Variants in DGKB observed in about 807,000 individuals in gnomAD.
DGKB encodes diacylglycerol kinase beta, also known as 90 kDa diacylglycerol kinase.
DGKB carries 67 observed loss-of-function variants against 114.3 expected under a neutral mutation model. The ratio of observed to expected loss-of-function variants is 0.59; its 90% CI spans 0.48 to 0.72. The LOEUF (loss-of-function observed/expected upper bound fraction) is 0.72, where lower values mean the gene tolerates loss of function less well. DGKB is among the 30% of genes least tolerant of loss of function. The probability of loss-of-function intolerance (pLI) is 0.00; values close to 1 mark genes in which losing one functional copy is unlikely to be tolerated. For synonymous variants in DGKB, 398 were observed against 323.1 expected (o/e 1.23, Z -2.49); for missense variants, 907 against 975.2 (o/e 0.93, Z 0.93).
chr7:14,348,094 G>A (rs2128599229), intron 21 of DGKB, among the ~76,000 whole-genome samples: 1 of 151,988 alleles, frequency 6.6e-6, no homozygotes, highest in East Asian at 1.9e-4. Context: ...CAGTTAAGAT[G>A]CAGAACAGTC....
chr7:14,671,407 T>C (rs1342843164), intron 13 of DGKB, among the ~76,000 whole-genome samples: 1 of 152,142 alleles, frequency 6.6e-6, no homozygotes, highest in East Asian at 1.9e-4. Context: ...TGCTGAGATA[T>C]AAATTATTAA....
chr7:14,209,959 G>A (rs984308306), intron 23 of DGKB, among the ~76,000 whole-genome samples: 1 of 151,674 alleles, frequency 6.6e-6, no homozygotes, highest in Non-Finnish European at 1.5e-5. Flanking sequence ...GAATATGCAG[G>A]TGCACTAATA....
intron 1 of DGKB, among the ~76,000 whole-genome samples, chr7:14,944,018 T>A (rs1785720079): frequency 1.3e-5 from 2 of 151,862 alleles, no homozygotes; most frequent in East Asian, 3.9e-4. Flanking sequence ...ACAGCGGAGT[T>A]TTCTGCAAGC....
At chr7:14,160,800 C>T (rs974872491) in intron 25 of DGKB, among the ~76,000 whole-genome samples, 9 of 151,996 alleles carry the variant, frequency 5.9e-5, no homozygotes, top group Non-Finnish European at 1.0e-4. Flanking sequence ...AAAAAGAGCC[C>T]GTATAGCCAA....
At chr7:14,234,992 C>A (rs1178410263) in intron 23 of DGKB, among the ~76,000 whole-genome samples, 1 of 152,052 alleles carries the variant, frequency 6.6e-6, no homozygotes, top group Non-Finnish European at 1.5e-5. Context: ...CATAAAAATT[C>A]TTTTGGTCAA....
chr7:14,879,907 A>G (rs1011350138), intron 1 of DGKB, among the ~76,000 whole-genome samples: 8 of 152,136 alleles, frequency 5.3e-5, no homozygotes, highest in Non-Finnish European at 1.2e-4. Flanking sequence ...ATTATATATA[A>G]TTTCTAGTTC....
chr7:14,311,503 C>T (rs6942926), intron 23 of DGKB, among the ~76,000 whole-genome samples: 1 of 152,126 alleles, frequency 6.6e-6, no homozygotes, highest in African/African-American at 2.4e-5. Flanking sequence ...CCCACTGCAG[C>T]CTCCACCTCC....
intron 21 of DGKB, among the ~76,000 whole-genome samples, chr7:14,387,386 C>T (rs1583571711): frequency 7.3e-6 from 1 of 136,880 alleles, no homozygotes; most frequent in Non-Finnish European, 1.5e-5. Flanking sequence ...GCACTCCAGC[C>T]TTGTGACAGA....
At chr7:14,679,905 G>A (rs1820537057) in intron 12 of DGKB, among the ~76,000 whole-genome samples, 1 of 151,968 alleles carries the variant, frequency 6.6e-6, no homozygotes, top group Non-Finnish European at 1.5e-5. Flanking sequence ...AAGTAAATGT[G>A]TCCCTAAAAT....
intron 20 of DGKB, among the ~76,000 whole-genome samples, chr7:14,498,485 T>C (rs1785628913): frequency 6.6e-6 from 1 of 151,756 alleles, no homozygotes; most frequent in South Asian, 2.1e-4. Flanking sequence ...GAGAATAAAA[T>C]AACCTGTCTA....
intron 23 of DGKB, among the ~76,000 whole-genome samples, chr7:14,293,431 T>C (rs1052707700): frequency 6.6e-6 from 1 of 152,130 alleles, no homozygotes; most frequent in Admixed American, 6.6e-5. Flanking sequence ...CTTTACAAAA[T>C]AGGAACTAAC....
chr7:14,832,194 G>T lies in DGKB; in HGVS notation c.70+9000C>A, dbSNP rs116308591. The stretch of plus-strand genomic sequence containing the variant: ...AAGTTTAGAAAAGGTTACATAAGTT[G>T]CTGACGGCCAAAACTAACAAGTTAA... On this transcript the variant is annotated intron_variant, in intron 2 of 25. Coordinates refer to ENST00000402815, the MANE Select transcript of DGKB (RefSeq NM_001350709.2). 9.4e-3 allele frequency among the ~76,000 whole-genome samples: 1,432 copies of T among 152,088 alleles called. 20 individuals carry two copies. Among genetic ancestry groups the T allele is most frequent in the African/African-American group, 0.033 (1,374 of 41,514 alleles).
chr7:14,604,562 T>C (rs558217286), intron 17 of DGKB, among the ~76,000 whole-genome samples: 1 of 152,192 alleles, frequency 6.6e-6, no homozygotes, highest in Admixed American at 6.5e-5. Flanking sequence ...ATTGTTAGCA[T>C]TGGAAAAGTA....
At chr7:14,369,706 C>T (rs1273372625) in intron 21 of DGKB, among the ~76,000 whole-genome samples, 7 of 152,154 alleles carry the variant, frequency 4.6e-5, no homozygotes, top group Non-Finnish European at 1.0e-4. Flanking sequence ...TTGTTGGCCA[C>T]ATAAATGTCC....
intron 20 of DGKB, among the ~76,000 whole-genome samples, chr7:14,565,905 C>G (rs2128685018): frequency 6.6e-6 from 1 of 152,108 alleles, no homozygotes; most frequent in Non-Finnish European, 1.5e-5. Context: ...AGTGAGCAGC[C>G]AGATTAATAT....
At chr7:14,803,499 T>G (rs1043512128) in intron 2 of DGKB, among the ~76,000 whole-genome samples, 1 of 152,174 alleles carries the variant, frequency 6.6e-6, no homozygotes, top group African/African-American at 2.4e-5. Context: ...CTTTTACCTG[T>G]TTATTTTTAA....
intron 25 of DGKB, among the ~76,000 whole-genome samples, chr7:14,150,189 T>C (rs1050298192): frequency 1.3e-5 from 2 of 152,146 alleles, no homozygotes; most frequent in Non-Finnish European, 2.9e-5. Flanking sequence ...ACATTTTCTT[T>C]AGCGAACTGC....
At chr7:14,833,103 C>A (rs1411551249) in intron 2 of DGKB, among the ~76,000 whole-genome samples, 1 of 152,004 alleles carries the variant, frequency 6.6e-6, no homozygotes. Flanking sequence ...TGATTGAATT[C>A]GGTTCATTCT....
intron 23 of DGKB, among the ~76,000 whole-genome samples, chr7:14,312,435 T>C (rs1562904608): frequency 6.6e-6 from 1 of 152,244 alleles, no homozygotes; most frequent in African/African-American, 2.4e-5. Context: ...AGCACCTAAC[T>C]ATACTTGTTA....
Sources: allele counts gnomAD v4.1 joint callset (sites outside exome capture counted in the v4.1 genomes callset), GRCh38; gene constraint gnomAD v4.1.1; transcripts MANE v1.5; gene names NCBI Gene and HGNC (gene_info 2026-07-23, HGNC 2026-07-21).